Variants in KIF27 observed in about 807,000 individuals in gnomAD.
KIF27 encodes the protein kinesin family member 27, also known as kinesin-like protein KIF27.
Under a neutral mutation model 141.8 loss-of-function variants are expected in KIF27, and 84 were observed. The ratio of observed to expected loss-of-function variants is 0.59; its 90% confidence interval spans 0.50 to 0.71. The LOEUF (loss-of-function observed/expected upper bound fraction) is 0.71. Among genes scored for constraint, KIF27 ranks in the 30% least tolerant of loss-of-function variants. The pLI is 0.00. For synonymous variants in KIF27, 471 were observed against 569.5 expected (o/e 0.83, Z 2.46); for missense variants, 1,306 against 1,628.4 (o/e 0.80, Z 3.41).
intron 2 of KIF27, 106 bp from the exon 3 acceptor site, chr9:83,908,758 C>CT (rs11364843): frequency 0.053 from 23,977 of 455,030 alleles, 8 homozygotes; most frequent in Middle Eastern, 0.066. Context: ...TATATTATAA[C>CT]TTTTTTTTTT....
chr9:83,920,529 C>T (rs1199468241), intron 1 of KIF27, among the ~76,000 whole-genome samples: 1 of 152,054 alleles, frequency 6.6e-6, no homozygotes, highest in Non-Finnish European at 1.5e-5. Flanking sequence ...CATCCCGTAC[C>T]CTTGATTTCC....
rs767513341 is a variant in KIF27, at chr9:83,859,173, T to C, written c.3133A>G (p.Arg1045Gly). 3.1e-6 allele frequency: 5 copies of C among 1,612,682 alleles called. 1 individual carries two copies. The Admixed American group carries it at 8.3e-5, about 27-fold the overall frequency. ...TGACTTACTTCAGGTGATAACACTC[T>C]ACCATTTTTAAGTTTTTCATCCACA... ...HNVDEKLKNG[R>G]VLSPEEEHVL... The change falls in exon 14 of 18, where the codon AGA (arginine) becomes GGA (glycine). Residue 1045 changes from arginine to glycine, a missense_variant. Arg to Gly is a moderately radical substitution (Grantham distance 125, BLOSUM62 -2). This residue lies in a region of KIF27 where 596 missense variants were observed against 751.6 expected (regional missense o/e 0.79). Coordinates refer to ENST00000297814, the MANE Select transcript of KIF27 (RefSeq NM_017576.4).
At chr9:83,844,051 C>G (rs1946899080) in intron 16 of KIF27, among the ~76,000 whole-genome samples, 1 of 152,100 alleles carries the variant, frequency 6.6e-6, no homozygotes, top group Admixed American at 6.6e-5. Context: ...AAGGCACACC[C>G]ACTCTTAATC....
chr9:83,880,385 T>G lies in KIF27; in HGVS notation c.2555A>C (p.Lys852Thr), dbSNP rs1951576317. The G allele has an allele frequency of 3.1e-6, 5 of 1,603,102 alleles. No individual in the cohort carries two copies. The highest frequency in any genetic ancestry group is 4.3e-6 in the Non-Finnish European group (5 of 1,174,932). The change falls in exon 11 of 18, where the codon AAG becomes ACG. Residue 852 changes from lysine to threonine, a missense_variant. Lys to Thr is a moderately conservative substitution (Grantham distance 78). This residue lies in a region of KIF27 where 596 missense variants were observed against 751.6 expected (regional missense o/e 0.79). Transcript: ENST00000297814. ...EQSVDHMKYQ[K>T]IQLQRKLREE... ...TCGTAGTTTTCTTTGTAGCTGTATC[T>G]TTTGATATTTCATGTGATCTACACT...
intron 2 of KIF27, among the ~76,000 whole-genome samples, chr9:83,914,377 G>C (rs1209888040): frequency 1.3e-5 from 2 of 151,948 alleles, no homozygotes; most frequent in African/African-American, 4.8e-5. Context: ...GCTTCTTAAG[G>C]CTCCTCCATT....
Position 83,842,327 on chromosome 9 carries a change from A to G in KIF27, c.3631T>C (p.Tyr1211His), listed in dbSNP as rs756676470. 3.1e-5 allele frequency: 48 copies of G among 1,559,556 alleles called. No individual in the cohort carries two copies. Among genetic ancestry groups the G allele is most frequent in the Middle Eastern group, 1.7e-4 (1 of 5,782 alleles). The change falls in exon 17 of 18, where the codon TAT (tyrosine) becomes CAT (histidine). Residue 1211 changes from tyrosine (Y) to histidine (H), a missense_variant. Around this residue, in one of 4 missense-constraint regions of KIF27, gnomAD observed 148 missense variants for 250.9 expected, o/e 0.59. Coordinates refer to ENST00000297814, the MANE Select transcript of KIF27 (RefSeq NM_017576.4). ...TCCCGGCTGGTTTTCTTATAGAAAT[A>G]AAGATCTTTTTCCAACTGCTGGATT... ...DKIQQLEKDL[Y>H]FYKKTSRDHK... is the part of the protein sequence containing the mutation.
intron 6 of KIF27, among the ~76,000 whole-genome samples, chr9:83,890,136 C>T (rs1430444459): frequency 2.0e-5 from 3 of 152,156 alleles, no homozygotes; most frequent in Non-Finnish European, 4.4e-5. Flanking sequence ...GAGTATCACA[C>T]AGTGTTTAGG....
In KIF27 at chr9:83,903,915, A is replaced by T. The variant is rs778547102; in HGVS notation, c.603T>A (p.Asn201Lys). 1.2e-6 allele frequency: 2 copies of T among 1,614,074 alleles called. No individual in the cohort carries two copies. Among genetic ancestry groups the T allele is most frequent in the African/African-American group, 2.7e-5 (2 of 74,938 alleles). Residue 201 changes from asparagine to lysine, a missense_variant, in exon 4 of 18, where the codon AAT (asparagine) becomes AAA (lysine). Physicochemically the swap from Asn to Lys is moderately conservative, Grantham distance 94. Around this residue, in one of 4 missense-constraint regions of KIF27, gnomAD observed 533 missense variants for 565.6 expected, o/e 0.94. Coordinates refer to ENST00000297814, the MANE Select transcript of KIF27 (RefSeq NM_017576.4). ...TTGCATGTGATCTGCTGGAGTGCTC[A>T]TTCATTTGAGTGGTACCTGTATGTC... ...AARHTGTTQM[N>K]EHSSRSHAIF...
rs10648187 is a variant in KIF27 at position 83,860,883 on chromosome 9, A to AT, written c.2935-1513dup. On this transcript the variant is annotated intron_variant, in intron 13 of 17. Transcript: ENST00000297814. The stretch of plus-strand genomic sequence containing the variant: ...TTTCCCTGGATAGGCTTGATGGGAG[A>AT]TTTTTTTTTTTTTTACCTGAAAATG... 7.0e-3 allele frequency among the ~76,000 whole-genome samples: 1,001 copies of AT among 142,936 alleles called. 8 individuals are homozygous for AT. Among genetic ancestry groups the AT allele is most frequent in the Middle Eastern group, 0.029 (8 of 272 alleles). The allele number at this position is 142,936 out of a possible 152,430, so 93.8% of individuals were successfully genotyped here.
chr9:83,861,964 G>A (rs2131908129), intron 13 of KIF27, among the ~76,000 whole-genome samples: 1 of 152,328 alleles, frequency 6.6e-6, no homozygotes, highest in East Asian at 1.9e-4. Context: ...TCTGTTGGCT[G>A]CATAAATGTC....
At position 83,853,629 on chromosome 9, in the gene KIF27, C is replaced by T. The variant is rs1948857504; in HGVS notation, c.3357G>A (p.Lys1119=). The T allele has an allele frequency of 3.1e-6, 5 of 1,609,766 alleles. No individual in the cohort carries two copies. The highest frequency in any genetic ancestry group is 1.7e-5 in the Admixed American group (1 of 59,974). ...IRTILFRYFN[K]VVNLREAERK... ...AATATTCTGACCCTCAAAAACAAAC[C>T]TTATTGAAATATCTGAAAAGAATAG... Residue 1119 remains lysine (K), a splice_region_variant and synonymous_variant, in exon 15 of 18, where the codon AAG becomes AAA. Transcript: ENST00000297814.
At chr9:83,854,968 A>AC (rs1949028471) in intron 14 of KIF27, 1 of 152,238 alleles carries the variant, frequency 6.6e-6, no homozygotes, top group Non-Finnish European at 1.5e-5. Context: ...GTCCTTGGTT[A>AC]CAGGACCCAT....
intron 2 of KIF27, among the ~76,000 whole-genome samples, chr9:83,912,425 G>A (rs888928484): frequency 3.9e-5 from 6 of 152,160 alleles, no homozygotes; most frequent in Admixed American, 3.3e-4. Context: ...CAGTACAAAG[G>A]AAGATTCCCT....
chr9:83,849,883 G>A (rs1393044839), intron 16 of KIF27, among the ~76,000 whole-genome samples: 3 of 152,164 alleles, frequency 2.0e-5, no homozygotes, highest in Non-Finnish European at 4.4e-5. Context: ...GCATACTGGA[G>A]GCAGGCAGAA....
chr9:83,843,548 A>G (rs1480887637), intron 16 of KIF27, among the ~76,000 whole-genome samples: 7 of 152,188 alleles, frequency 4.6e-5, no homozygotes, highest in Admixed American at 4.6e-4. Context: ...TATATTTTAA[A>G]TTAGTCCATC....
intron 5 of KIF27, among the ~76,000 whole-genome samples, chr9:83,896,201 C>T (rs12555714): frequency 0.019 from 2,903 of 152,194 alleles, 50 homozygotes; most frequent in South Asian, 0.037. Context: ...GGAGATTGTG[C>T]CACTGCGCTC....
Position 83,836,941 on chromosome 9 carries a change from T to G in KIF27, c.*60A>C. The stretch of plus-strand genomic sequence containing the variant: ...AGGTAGTGAACTTGAGCTTTAGTTT[T>G]TAACAGGTTAGAAAAAGGAATCTTT... On this transcript the variant is annotated 3_prime_UTR_variant, in exon 18 of 18. Transcript: ENST00000297814. 6.4e-7 allele frequency: 1 copy of G among 1,552,374 alleles called. No homozygotes were observed. The highest frequency in any genetic ancestry group is 8.7e-7 in the Non-Finnish European group (1 of 1,152,366).
intron 2 of KIF27, among the ~76,000 whole-genome samples, chr9:83,911,787 T>A (rs1459093514): frequency 6.6e-6 from 1 of 152,038 alleles, no homozygotes; most frequent in African/African-American, 2.4e-5. Context: ...CAGGTGATCC[T>A]CCCAAAGTAC....
In KIF27 at chr9:83,863,251, G is replaced by T. The variant is rs564725514; in HGVS notation, c.2935-3880C>A. Among the ~76,000 whole-genome samples, 228 of 152,218 alleles carry T rather than the reference G, an allele frequency of 1.5e-3. 2 individuals carry two copies. The highest frequency in any genetic ancestry group is 3.3e-3 in the Admixed American group (51 of 15,288). ...GTGAGAGAGGGCATCCCTGTCTTGT[G>T]CCAGTTTTCAAAGGGAATGCTTCCA... is the stretch of plus-strand genomic sequence containing the variant. On this transcript the variant is annotated intron_variant, in intron 13 of 17. Transcript: ENST00000297814.
Sources: gnomAD v4.1 joint callset for allele counts (sites outside exome capture counted in the v4.1 genomes callset) on GRCh38, gnomAD v4.1.1 for gene constraint, gnomAD v4.1.1 regional missense constraint, MANE v1.5 for transcripts, NCBI Gene and HGNC (gene_info 2026-07-23, HGNC 2026-07-21) for gene names.